The following SLC24A3 variants were observed in gnomAD, a reference collection of about 807,000 sequenced individuals.
SLC24A3 encodes sodium/potassium/calcium exchanger 3.
SLC24A3 carries 28 observed loss-of-function variants against 75.8 expected under a neutral mutation model. The observed-to-expected ratio is 0.37, with a 90% confidence interval of 0.27 to 0.51. The LOEUF is 0.51. Ranked by LOEUF, SLC24A3 falls within the 20% of genes least tolerant of loss-of-function variation. SLC24A3 has a pLI of 0.94. For missense variants in SLC24A3, 663 were observed against 847.8 expected (o/e 0.78, Z 2.71); for synonymous variants, 372 against 334.1 (o/e 1.11, Z -1.24).
rs371845513 is a variant in SLC24A3, at chr20:19,491,271, G to A, written c.272-24217G>A. On this transcript the variant is annotated intron_variant, in intron 2 of 16. Transcript: ENST00000328041. Reference sequence around the variant, plus strand: ...GTCCTCTGAATATGCTTCTCATTCCGGTTCCTCCTGGTCACTGTGTTTCCT... The same window carrying A: ...GTCCTCTGAATATGCTTCTCATTCCAGTTCCTCCTGGTCACTGTGTTTCCT... Among the ~76,000 whole-genome samples the A allele has an allele frequency of 1.3e-4, 20 of 152,258 alleles. No individual in the cohort carries two copies. The East Asian group carries it at 2.1e-3, about 16-fold the overall frequency.
intron 2 of SLC24A3, among the ~76,000 whole-genome samples, chr20:19,350,232 G>A (rs893522069): frequency 5.9e-5 from 9 of 152,150 alleles, no homozygotes; most frequent in Non-Finnish European, 7.3e-5. Flanking sequence ...TCTGTAGTTG[G>A]TAAAAAGAGC....
chr20:19,518,763 T>G (rs906233381), intron 3 of SLC24A3, among the ~76,000 whole-genome samples: 6 of 152,196 alleles, frequency 3.9e-5, no homozygotes, highest in Non-Finnish European at 8.8e-5. Flanking sequence ...CTGCATTAGC[T>G]CAGGCTTCGC....
chr20:19,226,307 GAT>G (rs1243816418), intron 1 of SLC24A3, among the ~76,000 whole-genome samples: 1 of 152,024 alleles, frequency 6.6e-6, no homozygotes, highest in Non-Finnish European at 1.5e-5. Flanking sequence ...GTATTTCCTG[GAT>G]TTGATTGATC....
intron 2 of SLC24A3, among the ~76,000 whole-genome samples, chr20:19,485,346 G>A (rs1988113269): frequency 6.6e-6 from 1 of 152,186 alleles, no homozygotes; most frequent in African/African-American, 2.4e-5. Context: ...ATGAGTCCAT[G>A]TGGAAAGATT....
intron 2 of SLC24A3, among the ~76,000 whole-genome samples, chr20:19,493,780 T>A (rs1333560938): frequency 1.3e-5 from 2 of 152,138 alleles, no homozygotes; most frequent in Non-Finnish European, 2.9e-5. Context: ...GGCCAGTTCA[T>A]CCCCTTCCCT....
intron 3 of SLC24A3, among the ~76,000 whole-genome samples, chr20:19,520,921 G>T (rs1241550904): frequency 1.3e-5 from 2 of 152,118 alleles, no homozygotes; most frequent in African/African-American, 4.8e-5. Context: ...CCCCAAAACT[G>T]CAGAGGAAGC....
At chr20:19,285,216 G>A (rs993906588) in intron 2 of SLC24A3, among the ~76,000 whole-genome samples, 2 of 152,082 alleles carry the variant, frequency 1.3e-5, no homozygotes, top group Non-Finnish European at 1.5e-5. Context: ...GGTGACTCAC[G>A]CCTATAATCC....
At chr20:19,519,046 G>A (rs993075228) in intron 3 of SLC24A3, among the ~76,000 whole-genome samples, 18 of 152,164 alleles carry the variant, frequency 1.2e-4, no homozygotes, top group African/African-American at 4.3e-4. Flanking sequence ...CCCCAAGAGA[G>A]GGCCATGGGG....
intron 9 of SLC24A3, among the ~76,000 whole-genome samples, chr20:19,677,629 A>G (rs1031245459): frequency 3.3e-5 from 5 of 149,578 alleles, no homozygotes; most frequent in African/African-American, 1.2e-4. Context: ...AAATTCCAGT[A>G]TACATCTGGA....
At chr20:19,692,983 T>C (rs1448778032) in intron 12 of SLC24A3, among the ~76,000 whole-genome samples, 1 of 152,010 alleles carries the variant, frequency 6.6e-6, no homozygotes, top group Non-Finnish European at 1.5e-5. Context: ...ACCATCCCCC[T>C]AGCCTGGTAT....
At chr20:19,296,940 A>C (rs998398760) in intron 2 of SLC24A3, among the ~76,000 whole-genome samples, 1 of 152,200 alleles carries the variant, frequency 6.6e-6, no homozygotes, top group Non-Finnish European at 1.5e-5. Context: ...TTTATCCACA[A>C]TTGGTTGAAT....
At chr20:19,527,966 G>A (rs982536439) in intron 3 of SLC24A3, among the ~76,000 whole-genome samples, 2 of 152,104 alleles carry the variant, frequency 1.3e-5, no homozygotes, top group Non-Finnish European at 2.9e-5. Context: ...TGTGGCTTTG[G>A]TTTTCTAACC....
chr20:19,593,049 G>A (rs1024124993), intron 6 of SLC24A3, among the ~76,000 whole-genome samples: 1 of 152,132 alleles, frequency 6.6e-6, no homozygotes, highest in Non-Finnish European at 1.5e-5. Flanking sequence ...GCCTGCCTCA[G>A]CCTCCCCAAG....
intron 1 of SLC24A3, among the ~76,000 whole-genome samples, chr20:19,280,707 T>A (rs1983633687): frequency 6.6e-6 from 1 of 152,158 alleles, no homozygotes; most frequent in Admixed American, 6.5e-5. Flanking sequence ...GTGTGCTTTA[T>A]CAAGAGAGTT....
chr20:19,276,752 A>G (rs1983499870), intron 1 of SLC24A3, among the ~76,000 whole-genome samples: 1 of 152,114 alleles, frequency 6.6e-6, no homozygotes, highest in East Asian at 1.9e-4. Context: ...AAAAAATAAT[A>G]AAATTAGCTG....
chr20:19,333,773 A>G (rs1600434500), intron 2 of SLC24A3, among the ~76,000 whole-genome samples: 2 of 152,090 alleles, frequency 1.3e-5, no homozygotes, highest in South Asian at 2.1e-4. Flanking sequence ...CGACATTAGT[A>G]TAACGATTGC....
chr20:19,306,841 G>A (rs1015465247), intron 2 of SLC24A3, among the ~76,000 whole-genome samples: 2 of 151,764 alleles, frequency 1.3e-5, no homozygotes, highest in African/African-American at 2.4e-5. Flanking sequence ...ACATGTACCC[G>A]CAGAGTCTAA....
intron 9 of SLC24A3, among the ~76,000 whole-genome samples, chr20:19,674,495 G>A (rs899322797): frequency 6.6e-6 from 1 of 152,172 alleles, no homozygotes; most frequent in African/African-American, 2.4e-5. Context: ...CCCTAGAGCT[G>A]CTTGAGTGGC....
chr20:19,646,903 A>C (rs1385424060), intron 6 of SLC24A3, among the ~76,000 whole-genome samples: 1 of 150,696 alleles, frequency 6.6e-6, no homozygotes, highest in Non-Finnish European at 1.5e-5. Flanking sequence ...ATTACTGTGT[A>C]AATCCACATT....
Sources: allele counts gnomAD v4.1 joint callset (sites outside exome capture counted in the v4.1 genomes callset), GRCh38; gene constraint gnomAD v4.1.1; transcripts MANE v1.5; gene names NCBI Gene and HGNC (gene_info 2026-07-23, HGNC 2026-07-21).